Variants in RORC observed in about 807,000 individuals in gnomAD.
RORC encodes the protein RAR related orphan receptor C.
A neutral mutation model predicts 64.5 loss-of-function variants in RORC; 13 were observed. The ratio of observed to expected loss-of-function variants is 0.20; its 90% confidence interval spans 0.13 to 0.32. The LOEUF (loss-of-function observed/expected upper bound fraction) is 0.32. Ranked by LOEUF, RORC falls within the 10% of genes least tolerant of loss-of-function variation. The probability of loss-of-function intolerance (pLI) is 1.00; values close to 1 mark genes in which losing one functional copy is unlikely to be tolerated. For synonymous variants in RORC, 277 were observed against 259.3 expected (o/e 1.07, Z -0.65); for missense variants, 468 against 669.5 (o/e 0.70, Z 3.32).
intron 4 of RORC, 37 bp downstream of exon 4, chr1:151,816,627 C>G (rs773795049): frequency 6.3e-7 from 1 of 1,577,806 alleles, no homozygotes; most frequent in East Asian, 2.3e-5. Context: ...TCTGGAGACA[C>G]CAGGAAAACC....
In RORC at chr1:151,817,295, G is replaced by C; in HGVS notation, c.71-15C>G. 1 of 1,603,246 alleles carries C rather than the reference G, an allele frequency of 6.2e-7. No homozygotes were observed. The highest frequency in any genetic ancestry group is 8.5e-7 in the Non-Finnish European group (1 of 1,170,002). ...TTCAATTTGTGCTGGAAGAGAGAAA[G>C]AGAAGTAGGTCAGCCCAGGAGGCTT... On this transcript the variant is annotated splice_polypyrimidine_tract_variant and intron_variant, in intron 2 of 10. Coordinates refer to ENST00000318247, the MANE Select transcript of RORC (RefSeq NM_005060.4).
At chr1:151,831,371 T>A (rs1204601274) in intron 1 of RORC, among the ~76,000 whole-genome samples, 2 of 152,042 alleles carry the variant, frequency 1.3e-5, no homozygotes, top group Non-Finnish European at 2.9e-5. Context: ...TCCTGGGGGG[T>A]AAGCCCACAC....
chr1:151,824,440 T>G (rs1164984894), intron 2 of RORC, among the ~76,000 whole-genome samples: 1 of 152,158 alleles, frequency 6.6e-6, no homozygotes, highest in Non-Finnish European at 1.5e-5. Context: ...GGGCCATCTC[T>G]GGGAAGACCA....
rs200009750 is a variant in RORC, at chr1:151,806,095, G to T, written c.*1377C>A. On this transcript the variant is annotated 3_prime_UTR_variant, in exon 11 of 11. Transcript: ENST00000318247. ...CTTGCCTTTAAAATCATTTTATAAA[G>T]AATGGCACAAGTTGGGGTTTATGTT... The T allele has an allele frequency of 6.6e-6, 1 of 152,224 alleles. No homozygotes were observed. The highest frequency in any genetic ancestry group is 2.4e-5 in the African/African-American group (1 of 41,428). The allele number at this position is 152,224 out of a possible 1,614,324, so 9.4% of individuals were successfully genotyped here.
At chr1:151,813,093 C>T (rs762397957) in intron 8 of RORC, 36 bp from the exon 9 acceptor site, 2 of 1,547,550 alleles carry the variant, frequency 1.3e-6, no homozygotes, top group East Asian at 4.5e-5. Context: ...GAGAGAGTGG[C>T]TGGAGCGATG....
chr1:151,807,576 T>C lies in RORC; in HGVS notation c.1453A>G (p.Ile485Val). The C allele has an allele frequency of 1.9e-6, 3 of 1,613,808 alleles. No homozygotes were observed. Among genetic ancestry groups the C allele is most frequent in the African/African-American group, 1.3e-5 (1 of 74,886 alleles). The change falls in exon 11 of 11, where the codon ATC (isoleucine) becomes GTC (valine). Residue 485 changes from isoleucine to valine, a missense_variant. By Grantham distance (29) the Ile-to-Val change is conservative. Around this residue, in one of 5 missense-constraint regions of RORC, gnomAD observed 93 missense variants for 116.6 expected, o/e 0.80. Coordinates refer to ENST00000318247, the MANE Select transcript of RORC (RefSeq NM_005060.4). The surrounding 1 kb of genome is among the most constrained non-coding windows in gnomAD (Gnocchi z 5.0). ...ACGATGGGGTGGAGGTGCTGGAAGA[T>C]CTGCAGCCTTTCCACATGCTGGCTA... is the stretch of plus-strand genomic sequence containing the variant. ...LCSQHVERLQ[I>V]FQHLHPIVVQ... is the part of the protein sequence containing the mutation.
intron 2 of RORC, among the ~76,000 whole-genome samples, chr1:151,820,558 C>T (rs1297558002): frequency 6.6e-6 from 1 of 152,196 alleles, no homozygotes; most frequent in African/African-American, 2.4e-5. Flanking sequence ...TCTACCCTCG[C>T]CTGCTGTCTT....
At chr1:151,819,214 G>A (rs894805091) in intron 2 of RORC, among the ~76,000 whole-genome samples, 13 of 152,184 alleles carry the variant, frequency 8.5e-5, no homozygotes, top group African/African-American at 2.7e-4. Context: ...GGCAGAAAAC[G>A]TTGGGGCCCC....
chr1:151,813,017 G>A lies in RORC; in HGVS notation c.1215C>T (p.His405=). 6.2e-7 allele frequency: 1 copy of A among 1,614,142 alleles called. No homozygotes were observed. Among genetic ancestry groups the A allele is most frequent in the Non-Finnish European group, 8.5e-7 (1 of 1,179,974 alleles). ...CGGAAAAGTGCAAGGCACTTAGGGA[G>A]TGGGAGAAGTCAAAGATGGAGCTGA... is the stretch of plus-strand genomic sequence containing the variant. ...ELISSIFDFS[H]SLSALHFSED... is the part of the protein sequence containing the mutation. The change falls in exon 9 of 11, where the codon CAC becomes CAT. Residue 405 remains histidine (H), a synonymous_variant. Coordinates refer to ENST00000318247, the MANE Select transcript of RORC (RefSeq NM_005060.4).
rs908769885 is a variant in RORC, at chr1:151,830,674, C to T, written c.40+1051G>A. On this transcript the variant is annotated intron_variant, in intron 1 of 10. Transcript: ENST00000318247. This position sits in a 1 kb window ranked among gnomAD's most constrained non-coding sequence, Gnocchi z 4.0. The stretch of plus-strand genomic sequence containing the variant: ...CACACACACACACAGTGCCCTTCTG[C>T]CCGGGAGATGCTCCCCACTGGCAGG... 1.1e-4 allele frequency among the ~76,000 whole-genome samples: 5 copies of T among 45,964 alleles called. No individual in the cohort carries two copies. The highest frequency in any genetic ancestry group is 2.4e-4 in the African/African-American group (5 of 20,642). The allele number at this position is 45,964 out of a possible 152,430, so 30.2% of individuals were successfully genotyped here. A position where few individuals can be genotyped will look rare whatever the true frequency, so the allele number is the denominator to read the frequency against.
chr1:151,816,834 G>C (rs201956211), intron 3 of RORC, 29 bp from the exon 4 acceptor site: 1 of 1,498,886 alleles, frequency 6.7e-7, no homozygotes. Flanking sequence ...GGGCAAGACT[G>C]CTTATCCTGG....
chr1:151,828,235 C>G (rs1320197678), intron 2 of RORC, among the ~76,000 whole-genome samples: 1 of 152,146 alleles, frequency 6.6e-6, no homozygotes, highest in Admixed American at 6.5e-5. Flanking sequence ...GCAGTGAGCT[C>G]TCAGGAGGAA....
At chr1:151,814,174 T>G (rs1292269357) in intron 6 of RORC, 1 of 181,376 alleles carries the variant, frequency 5.5e-6, no homozygotes, top group Non-Finnish European at 1.2e-5. Context: ...ATAGGTTGGT[T>G]GTGGTAGGGG....
At chr1:151,828,871 C>T (rs1652293501) in intron 2 of RORC, among the ~76,000 whole-genome samples, 1 of 151,754 alleles carries the variant, frequency 6.6e-6, no homozygotes, top group South Asian at 2.1e-4. Flanking sequence ...CCCAGCTACT[C>T]GAGAGGCTGA....
chr1:151,814,043 C>G (rs920967082), intron 6 of RORC: 3 of 179,858 alleles, frequency 1.7e-5, no homozygotes, highest in Admixed American at 1.1e-4. Context: ...GCAGCATAAA[C>G]TTTGGAGCCT....
In RORC at chr1:151,830,899, C is replaced by T. The variant is rs904835622; in HGVS notation, c.40+826G>A. 3 of 1,273,068 alleles carry T rather than the reference C, an allele frequency of 2.4e-6. No homozygotes were observed. Among genetic ancestry groups the T allele is most frequent in the African/African-American group, 1.5e-5 (1 of 65,592 alleles). The allele number at this position is 1,273,068 out of a possible 1,614,324, so 78.9% of individuals were successfully genotyped here. On this transcript the variant is annotated intron_variant, in intron 1 of 10. Transcript: ENST00000318247. The surrounding 1 kb of genome is among the most constrained non-coding windows in gnomAD (Gnocchi z 4.0). Reference sequence around the variant, plus strand: ...CTCTAGCCTTGCACCTCAGAGCAGTCCTGTGGTGGGGGTGCTCCCCTTGCT... The same window carrying T: ...CTCTAGCCTTGCACCTCAGAGCAGTTCTGTGGTGGGGGTGCTCCCCTTGCT...
rs1651598203 is a variant in RORC, at chr1:151,812,989, C to A, written c.1243G>T (p.Asp415Tyr). 6.2e-7 allele frequency: 1 copy of A among 1,613,952 alleles called. No homozygotes were observed. Among genetic ancestry groups the A allele is most frequent in the Non-Finnish European group, 8.5e-7 (1 of 1,179,972 alleles). ...HSLSALHFSE[D>Y]EIALYTALVL... ...AGGGCTGTGTAGAGGGCAATCTCAT[C>A]CTCGGAAAAGTGCAAGGCACTTAGG... Residue 415 changes from aspartate (D) to tyrosine (Y), a missense_variant, in exon 9 of 11, where the codon GAT (aspartate) becomes TAT (tyrosine). Physicochemically the swap from Asp to Tyr is radical, Grantham distance 160 (BLOSUM62 -3). This residue lies in a region of RORC where 100 missense variants were observed against 190.8 expected (regional missense o/e 0.52). Transcript: ENST00000318247.
intron 4 of RORC, among the ~76,000 whole-genome samples, chr1:151,816,355 T>G (rs911116513): frequency 6.6e-6 from 1 of 152,172 alleles, no homozygotes. Context: ...CAGAGCTGCA[T>G]GGGAGCTGGG....
At chr1:151,822,437 G>T (rs1442670473) in intron 2 of RORC, among the ~76,000 whole-genome samples, 1 of 152,242 alleles carries the variant, frequency 6.6e-6, no homozygotes, top group Non-Finnish European at 1.5e-5. Context: ...TGAGAAAATA[G>T]TGAAGCTAAA....
Sources: gnomAD v4.1 joint callset for allele counts (sites outside exome capture counted in the v4.1 genomes callset) on GRCh38, gnomAD v4.1.1 for gene constraint, gnomAD v4.1.1 regional missense constraint, Gnocchi (gnomAD v3.1) non-coding constraint, MANE v1.5 for transcripts, NCBI Gene and HGNC (gene_info 2026-07-23, HGNC 2026-07-21) for gene names.